SGMS1: variants seen among roughly 807,000 people sequenced by gnomAD.
SGMS1 encodes the protein phosphatidylcholine:ceramide cholinephosphotransferase 1.
SGMS1 carries 13 observed loss-of-function variants against 46.2 expected under a neutral mutation model. The ratio of observed to expected loss-of-function variants is 0.28; its 90% CI spans 0.18 to 0.45. The LOEUF (loss-of-function observed/expected upper bound fraction) is 0.45, where lower values mean the gene tolerates loss of function less well. Ranked by LOEUF, SGMS1 falls within the 20% of genes least tolerant of loss-of-function variation. SGMS1 has a pLI of 1.00. For missense variants in SGMS1, 324 were observed against 519.9 expected, an observed-to-expected ratio of 0.62 and a Z score of 3.66; for synonymous variants, 203 against 187.8, an observed-to-expected ratio of 1.08 and a Z score of -0.66.
At chr10:50,610,199 A>T (rs1838736719) in intron 1 of SGMS1, among the ~76,000 whole-genome samples, 1 of 152,194 alleles carries the variant, frequency 6.6e-6, no homozygotes, top group South Asian at 2.1e-4. Context: ...AACTACAACA[A>T]GGCTGTCAGT....
chr10:50,619,750 A>T (rs1838831984), intron 1 of SGMS1, among the ~76,000 whole-genome samples: 1 of 152,230 alleles, frequency 6.6e-6, no homozygotes, highest in African/African-American at 2.4e-5. Context: ...GCTTTACATC[A>T]TTAAGGGAGT....
chr10:50,420,921 A>G (rs976455321), intron 6 of SGMS1, among the ~76,000 whole-genome samples: 1 of 152,226 alleles, frequency 6.6e-6, no homozygotes. Flanking sequence ...CATTCAGAGT[A>G]GGTGTTCTCT....
At chr10:50,413,328 A>G (rs1396840095) in intron 6 of SGMS1, among the ~76,000 whole-genome samples, 1 of 152,186 alleles carries the variant, frequency 6.6e-6, no homozygotes, top group Non-Finnish European at 1.5e-5. Flanking sequence ...AACAAAGCAA[A>G]TATTTCACCG....
chr10:50,576,691 A>G (rs1219344874), intron 2 of SGMS1, among the ~76,000 whole-genome samples: 2 of 146,442 alleles, frequency 1.4e-5, no homozygotes, highest in African/African-American at 5.1e-5. Context: ...AATTTTTTGA[A>G]TCAGAAAATC....
At chr10:50,617,665 T>C (rs1321443437) in intron 1 of SGMS1, among the ~76,000 whole-genome samples, 1 of 152,174 alleles carries the variant, frequency 6.6e-6, no homozygotes, top group African/African-American at 2.4e-5. Context: ...CACTGCAAAC[T>C]CCGCCTCCTG....
chr10:50,424,620 G>T (rs1269921384), intron 6 of SGMS1, among the ~76,000 whole-genome samples: 3 of 152,170 alleles, frequency 2.0e-5, no homozygotes, highest in Non-Finnish European at 4.4e-5. Context: ...ACAACCTACA[G>T]AATGGGAGAA....
chr10:50,339,029 C>T (rs544953238), intron 7 of SGMS1, among the ~76,000 whole-genome samples: 4 of 152,350 alleles, frequency 2.6e-5, no homozygotes, highest in South Asian at 2.1e-4. Flanking sequence ...TGAGCCACCA[C>T]GCCCAGCCTG....
chr10:50,370,357 T>C (rs77341239), intron 6 of SGMS1, among the ~76,000 whole-genome samples: 2,568 of 152,086 alleles, frequency 0.017, 37 homozygotes, highest in Non-Finnish European at 0.027. Flanking sequence ...TACAGCTGTA[T>C]AAAAACATTT....
intron 6 of SGMS1, among the ~76,000 whole-genome samples, chr10:50,415,277 T>C (rs1446485874): frequency 6.6e-6 from 1 of 152,036 alleles, no homozygotes; most frequent in African/African-American, 2.4e-5. Flanking sequence ...ATCATCACTT[T>C]TATTTTTGTA....
chr10:50,449,379 G>A (rs969146901), intron 5 of SGMS1, among the ~76,000 whole-genome samples: 1 of 152,146 alleles, frequency 6.6e-6, no homozygotes, highest in Non-Finnish European at 1.5e-5. Flanking sequence ...TGGAGGGAGT[G>A]CAGGGCTTTG....
chr10:50,360,414 A>C (rs1238532315), intron 6 of SGMS1, among the ~76,000 whole-genome samples: 2 of 152,090 alleles, frequency 1.3e-5, no homozygotes, highest in Non-Finnish European at 2.9e-5. Context: ...TTAAAAAAAA[A>C]CTCTGCAGGT....
At chr10:50,313,591 GT>G (rs1564871315) in intron 8 of SGMS1, among the ~76,000 whole-genome samples, 1 of 152,196 alleles carries the variant, frequency 6.6e-6, no homozygotes, top group African/African-American at 2.4e-5. Context: ...GTTTGGTCCA[GT>G]TCTGTTATAA....
intron 5 of SGMS1, among the ~76,000 whole-genome samples, chr10:50,449,045 A>C (rs9988708): frequency 0.036 from 5,436 of 152,282 alleles, 338 homozygotes; most frequent in African/African-American, 0.12. Flanking sequence ...TTAGGTCTTT[A>C]AATCTCACAT....
At chr10:50,614,346 G>C (rs1374914764) in intron 1 of SGMS1, among the ~76,000 whole-genome samples, 1 of 152,182 alleles carries the variant, frequency 6.6e-6, no homozygotes, top group Admixed American at 6.5e-5. Flanking sequence ...TGCTGTCCTA[G>C]ATAAACAGGA....
At chr10:50,328,791 A>G (rs78804511) in intron 7 of SGMS1, among the ~76,000 whole-genome samples, 2,001 of 152,324 alleles carry the variant, frequency 0.013, 41 homozygotes, top group African/African-American at 0.046. Flanking sequence ...TATGCCTCTA[A>G]TTTCAAGTAA....
intron 3 of SGMS1, among the ~76,000 whole-genome samples, chr10:50,505,259 C>A (rs1837696684): frequency 6.6e-6 from 1 of 152,070 alleles, no homozygotes; most frequent in African/African-American, 2.4e-5. Flanking sequence ...AACAGCTCCT[C>A]CCATAGAAAC....
At chr10:50,596,366 C>G (rs1328567198) in intron 1 of SGMS1, among the ~76,000 whole-genome samples, 2 of 152,180 alleles carry the variant, frequency 1.3e-5, no homozygotes, top group Admixed American at 6.5e-5. Context: ...TCAGTAGAGA[C>G]AGGGTTTCGC....
chr10:50,350,523 C>G (rs1333101308), intron 6 of SGMS1, among the ~76,000 whole-genome samples: 3 of 152,180 alleles, frequency 2.0e-5, no homozygotes, highest in Admixed American at 6.5e-5. Flanking sequence ...CAGCCCCTCC[C>G]ATCACAGGCC....
At chr10:50,381,055 C>T (rs1258342430) in intron 6 of SGMS1, among the ~76,000 whole-genome samples, 1 of 151,410 alleles carries the variant, frequency 6.6e-6, no homozygotes, top group Non-Finnish European at 1.5e-5. Context: ...TCTTGAACTC[C>T]TGCACTCAAG....
Sources: allele counts gnomAD v4.1 joint callset (sites outside exome capture counted in the v4.1 genomes callset), GRCh38; gene constraint gnomAD v4.1.1; transcripts MANE v1.5; gene names NCBI Gene and HGNC (gene_info 2026-07-23, HGNC 2026-07-21).